RNLS: variants seen among roughly 807,000 people sequenced by gnomAD.
RNLS encodes the protein renalase.
Under a neutral mutation model 39.8 loss-of-function variants are expected in RNLS, and 39 were observed. That is an observed-to-expected ratio of 0.98 (90% CI 0.76 to 1.28). The LOEUF is 1.28. Ranked by LOEUF, RNLS falls within the 50% of genes most tolerant of loss-of-function variation. RNLS has a pLI of 0.00. For missense variants in RNLS, 410 were observed against 413.3 expected (o/e 0.99, Z 0.07); for synonymous variants, 147 against 150.7 (o/e 0.98, Z 0.18).
chr10:88,442,105 G>T (rs1841748361), intron 4 of RNLS, among the ~76,000 whole-genome samples: 1 of 152,152 alleles, frequency 6.6e-6, no homozygotes, highest in Non-Finnish European at 1.5e-5. Flanking sequence ...CAGAGACAGG[G>T]ATCCTCATAG....
chr10:88,568,228 GA>G (rs1478697871), intron 4 of RNLS, among the ~76,000 whole-genome samples: 1 of 152,094 alleles, frequency 6.6e-6, no homozygotes, highest in Non-Finnish European at 1.5e-5. Flanking sequence ...GCTCCATCAT[GA>G]CCTTTTATCT....
At chr10:88,536,544 A>T (rs1362898951) in intron 4 of RNLS, among the ~76,000 whole-genome samples, 2 of 151,974 alleles carry the variant, frequency 1.3e-5, no homozygotes, top group African/African-American at 4.8e-5. Context: ...GATCCTTTAT[A>T]CTCTAGCTCC....
At chr10:88,221,621 C>T in the RNLS span, among the ~76,000 whole-genome samples, 107 of 152,324 alleles carry the variant, frequency 7.0e-4, no homozygotes, top group African/African-American at 2.5e-3. Flanking sequence ...TCAATTATCA[C>T]TTAACAGGGA....
At chr10:88,343,246 G>A (rs980590231) in intron 5 of RNLS, among the ~76,000 whole-genome samples, 7 of 152,150 alleles carry the variant, frequency 4.6e-5, no homozygotes, top group Non-Finnish European at 1.0e-4. Context: ...AAATAAGACA[G>A]TGTCTTGACA....
At chr10:88,382,892 C>T (rs1851637737) in intron 4 of RNLS, among the ~76,000 whole-genome samples, 1 of 152,012 alleles carries the variant, frequency 6.6e-6, no homozygotes, top group Non-Finnish European at 1.5e-5. Context: ...TTCTGCACAA[C>T]CTGAAGGGGA....
At chr10:88,211,850 C>T in the RNLS span, among the ~76,000 whole-genome samples, 2 of 152,256 alleles carry the variant, frequency 1.3e-5, no homozygotes, top group African/African-American at 4.8e-5. Context: ...CTTTTTAAAA[C>T]ATCACTCTTG....
the RNLS span, among the ~76,000 whole-genome samples, chr10:88,248,328 A>G: frequency 1.3e-5 from 2 of 152,378 alleles, no homozygotes; most frequent in South Asian, 4.1e-4. Flanking sequence ...TTATTGTAGT[A>G]CTGACTGACT....
chr10:88,418,005 T>G (rs1323537072), intron 4 of RNLS, among the ~76,000 whole-genome samples: 2 of 152,156 alleles, frequency 1.3e-5, no homozygotes, highest in East Asian at 3.8e-4. Context: ...CATAAAAATA[T>G]TCACATAAAA....
intron 4 of RNLS, among the ~76,000 whole-genome samples, chr10:88,391,622 G>A (rs1482556294): frequency 6.6e-6 from 1 of 151,914 alleles, no homozygotes; most frequent in Non-Finnish European, 1.5e-5. Flanking sequence ...AGTTAGAGAT[G>A]TTATTAAAAA....
intron 6 of RNLS, among the ~76,000 whole-genome samples, chr10:88,312,660 C>T (rs1401182994): frequency 2.0e-5 from 3 of 152,116 alleles, no homozygotes; most frequent in Non-Finnish European, 4.4e-5. Flanking sequence ...TTAAAACTAA[C>T]AAACTCATAA....
intron 4 of RNLS, among the ~76,000 whole-genome samples, chr10:88,392,301 TA>T (rs1170961175): frequency 1.3e-5 from 2 of 152,210 alleles, no homozygotes; most frequent in Non-Finnish European, 2.9e-5. Context: ...AAACTAGAAG[TA>T]CAAGTTCATG....
the RNLS span, among the ~76,000 whole-genome samples, chr10:88,186,923 C>T: frequency 1.3e-5 from 2 of 151,716 alleles, no homozygotes; most frequent in East Asian, 1.9e-4. Flanking sequence ...ATCAAATTAA[C>T]GTAAGCAAAA....
At chr10:88,582,936 G>T (rs999437060) in intron 1 of RNLS, 137 bp downstream of exon 1, 14 of 1,034,124 alleles carry the variant, frequency 1.4e-5, no homozygotes, top group Non-Finnish European at 1.9e-5. Context: ...TCGGCGCATG[G>T]GCCGCGCTAC....
chr10:88,443,529 G>A (rs952967055), intron 4 of RNLS, among the ~76,000 whole-genome samples: 8 of 152,216 alleles, frequency 5.3e-5, no homozygotes, highest in Non-Finnish European at 8.8e-5. Flanking sequence ...CACCTCACCC[G>A]GGAAGTGCAA....
intron 4 of RNLS, among the ~76,000 whole-genome samples, chr10:88,442,406 G>A (rs1190821843): frequency 6.6e-6 from 1 of 152,084 alleles, no homozygotes; most frequent in Non-Finnish European, 1.5e-5. Context: ...TCAGAATATG[G>A]TTTAAAATTA....
the RNLS span, among the ~76,000 whole-genome samples, chr10:88,202,614 C>T: frequency 3.9e-5 from 6 of 152,244 alleles, no homozygotes; most frequent in South Asian, 1.0e-3. Flanking sequence ...CAACTTCAAA[C>T]GTAGAGAGGG....
At chr10:88,184,358 T>C in the RNLS span, among the ~76,000 whole-genome samples, 1 of 152,170 alleles carries the variant, frequency 6.6e-6, no homozygotes, top group African/African-American at 2.4e-5. Context: ...GTCATGTAGC[T>C]TTTTGAGTAG....
At chr10:88,215,588 G>A in the RNLS span, among the ~76,000 whole-genome samples, 1 of 151,718 alleles carries the variant, frequency 6.6e-6, no homozygotes, top group East Asian at 1.9e-4. Context: ...ACTGTTTTGA[G>A]AACAAGGCAC....
chr10:88,313,187 G>T (rs1845514043), intron 6 of RNLS, among the ~76,000 whole-genome samples: 4 of 152,098 alleles, frequency 2.6e-5, no homozygotes, highest in South Asian at 4.1e-4. Context: ...CAAATTTTAA[G>T]AAATAAGTAG....
Sources: allele counts gnomAD v4.1 joint callset (sites outside exome capture counted in the v4.1 genomes callset), GRCh38; gene constraint gnomAD v4.1.1; transcripts MANE v1.5; gene names NCBI Gene and HGNC (gene_info 2026-07-23, HGNC 2026-07-21).